PLCXD3: variants seen among roughly 807,000 people sequenced by gnomAD.
PLCXD3 encodes PI-PLC X domain-containing protein 3.
A neutral mutation model predicts 25.5 loss-of-function variants in PLCXD3; 19 were observed. The observed-to-expected ratio is 0.75, with a 90% CI of 0.52 to 1.09. The LOEUF is 1.09. PLCXD3 is among the 50% of genes least tolerant of loss of function. The pLI, the probability that PLCXD3 is intolerant of heterozygous loss-of-function variation, is 0.00. For synonymous variants in PLCXD3, 174 were observed against 137.6 expected, an observed-to-expected ratio of 1.26 and a Z score of -1.85; for missense variants, 411 against 388.1, an observed-to-expected ratio of 1.06 and a Z score of -0.50.
At chr5:41,354,366 C>T (rs1262556467) in intron 2 of PLCXD3, among the ~76,000 whole-genome samples, 1 of 152,098 alleles carries the variant, frequency 6.6e-6, no homozygotes, top group Non-Finnish European at 1.5e-5. Flanking sequence ...GCTCTATGCC[C>T]AATGTTTCTG....
chr5:41,388,940 T>G (rs1028606500), intron 1 of PLCXD3, among the ~76,000 whole-genome samples: 6 of 151,412 alleles, frequency 4.0e-5, no homozygotes, highest in Admixed American at 1.3e-4. Flanking sequence ...ATTTCATTAG[T>G]ATAGTAATGC....
chr5:41,476,452 G>A (rs913595446), intron 1 of PLCXD3, among the ~76,000 whole-genome samples: 1 of 152,176 alleles, frequency 6.6e-6, no homozygotes, highest in Non-Finnish European at 1.5e-5. Flanking sequence ...ATGCCAGGTA[G>A]AGTATGCCTC....
chr5:41,382,806 C>T (rs904016414), intron 1 of PLCXD3, among the ~76,000 whole-genome samples: 1 of 151,934 alleles, frequency 6.6e-6, no homozygotes, highest in East Asian at 1.9e-4. Flanking sequence ...ATTCTGTGAA[C>T]CAAGAATGTA....
intron 1 of PLCXD3, among the ~76,000 whole-genome samples, chr5:41,505,433 GC>G (rs75561516): frequency 0.029 from 4,484 of 152,252 alleles, 138 homozygotes; most frequent in South Asian, 0.15. Flanking sequence ...TGATGTTGAT[GC>G]TTTTGATGGC....
chr5:41,312,093 T>A lies in PLCXD3; in HGVS notation c.*1524A>T, dbSNP rs1188824186. On this transcript the variant is annotated 3_prime_UTR_variant, in exon 3 of 3. Transcript: ENST00000377801. ...TAGGCAAGGATTATTGTGCTCTAAG[T>A]TTTTTTTTTTTATTTTTTAGAGTTG... is the stretch of plus-strand genomic sequence containing the variant. 2 of 105,884 alleles carry A rather than the reference T, an allele frequency of 1.9e-5. No homozygotes were observed. Among genetic ancestry groups the A allele is most frequent in the African/African-American group, 1.1e-4 (2 of 17,704 alleles). The allele number at this position is 105,884 out of a possible 1,614,324, so 6.6% of individuals were successfully genotyped here. A position where few individuals can be genotyped will look rare whatever the true frequency, so the allele number is the denominator to read the frequency against.
At chr5:41,473,840 T>A (rs968946130) in intron 1 of PLCXD3, among the ~76,000 whole-genome samples, 1 of 152,106 alleles carries the variant, frequency 6.6e-6, no homozygotes, top group Non-Finnish European at 1.5e-5. Context: ...CCCACAGAGG[T>A]AACCCCATTA....
intron 2 of PLCXD3, among the ~76,000 whole-genome samples, chr5:41,378,380 A>G (rs889499798): frequency 2.6e-5 from 4 of 152,164 alleles, no homozygotes; most frequent in African/African-American, 9.6e-5. Flanking sequence ...CAGCACATCT[A>G]TAATGACAAG....
At chr5:41,438,279 G>A (rs1168162256) in intron 1 of PLCXD3, among the ~76,000 whole-genome samples, 3 of 152,128 alleles carry the variant, frequency 2.0e-5, no homozygotes, top group East Asian at 3.9e-4. Context: ...AGTTAATGAT[G>A]AAAAGGCAAT....
At chr5:41,462,663 T>C (rs1408471827) in intron 1 of PLCXD3, among the ~76,000 whole-genome samples, 1 of 151,844 alleles carries the variant, frequency 6.6e-6, no homozygotes, top group Non-Finnish European at 1.5e-5. Flanking sequence ...ATAATGGCTA[T>C]AATCCCAGCT....
chr5:41,473,796 T>C (rs890331424), intron 1 of PLCXD3, among the ~76,000 whole-genome samples: 2 of 152,018 alleles, frequency 1.3e-5, no homozygotes, highest in African/African-American at 4.8e-5. Context: ...TTTTCAAGCG[T>C]CCTCAGTACA....
intron 2 of PLCXD3, among the ~76,000 whole-genome samples, chr5:41,354,767 A>G (rs1744570110): frequency 6.6e-6 from 1 of 152,162 alleles, no homozygotes; most frequent in African/African-American, 2.4e-5. Context: ...AGATAGAGTG[A>G]TTTGTCTAAA....
intron 1 of PLCXD3, among the ~76,000 whole-genome samples, chr5:41,430,535 T>C (rs1211478694): frequency 6.6e-6 from 1 of 152,206 alleles, no homozygotes; most frequent in Non-Finnish European, 1.5e-5. Flanking sequence ...TTAGGAAAGA[T>C]ACAAAATGCT....
intron 1 of PLCXD3, among the ~76,000 whole-genome samples, chr5:41,434,290 A>G (rs1747184029): frequency 6.6e-6 from 1 of 152,196 alleles, no homozygotes; most frequent in Non-Finnish European, 1.5e-5. Flanking sequence ...TAATTCATTC[A>G]ATGAATACTG....
intron 1 of PLCXD3, among the ~76,000 whole-genome samples, chr5:41,446,176 CAAAAAAAAAAAAAAA>C (rs70988847): frequency 2.6e-5 from 1 of 38,110 alleles, no homozygotes; most frequent in African/African-American, 7.9e-5. Flanking sequence ...GACTCCTTCT[CAAAAAAAAAAAAAAA>C]AAAAAAAAAA....
intron 1 of PLCXD3, among the ~76,000 whole-genome samples, chr5:41,435,315 T>G (rs1219710669): frequency 6.6e-6 from 1 of 152,216 alleles, no homozygotes; most frequent in Admixed American, 6.5e-5. Flanking sequence ...GGAAATTTGT[T>G]TTCCCCTTTT....
At chr5:41,330,239 C>G (rs139707744) in intron 2 of PLCXD3, among the ~76,000 whole-genome samples, 2 of 151,742 alleles carry the variant, frequency 1.3e-5, no homozygotes, top group Non-Finnish European at 2.9e-5. Context: ...ATCAAATAGA[C>G]GCAATAAAAA....
intron 1 of PLCXD3, among the ~76,000 whole-genome samples, chr5:41,403,408 T>TTTGTTTGTTTTGTTTTTG (rs773243664): frequency 1.1e-4 from 3 of 26,246 alleles, no homozygotes; most frequent in Non-Finnish European, 1.9e-4. Flanking sequence ...GTTGTTTTTT[T>TTTGTTTGTTTTGTTTTTG]TTTTTTTTAT....
At position 41,461,386 on chromosome 5, in the gene PLCXD3, G is replaced by A. The variant is rs192168270; in HGVS notation, c.103+49038C>T. Among the ~76,000 whole-genome samples, 368 of 151,962 alleles carry A rather than the reference G, an allele frequency of 2.4e-3. 3 individuals are homozygous for A. The highest frequency in any genetic ancestry group is 4.1e-3 in the Non-Finnish European group (277 of 67,882). ...TCCTACCTTAAAAACCTATAAAAGG[G>A]GAGAAAGTGTAATATGATTTTTTGA... On this transcript the variant is annotated intron_variant, in intron 1 of 2. Transcript: ENST00000377801.
chr5:41,322,395 A>T (rs1743499165), intron 2 of PLCXD3, among the ~76,000 whole-genome samples: 1 of 152,212 alleles, frequency 6.6e-6, no homozygotes, highest in Admixed American at 6.5e-5. Flanking sequence ...TTATATCCAG[A>T]AACAGGCAAT....
Sources: gnomAD v4.1 joint callset for allele counts (sites outside exome capture counted in the v4.1 genomes callset) on GRCh38, gnomAD v4.1.1 for gene constraint, MANE v1.5 for transcripts, NCBI Gene and HGNC (gene_info 2026-07-23, HGNC 2026-07-21) for gene names.